The following POLR3E variants were observed in gnomAD, a reference collection of about 807,000 sequenced individuals.
The protein encoded by POLR3E is RNA polymerase III subunit E.
In POLR3E, 41 loss-of-function variants were observed where a neutral mutation model predicts 96.6. The observed-to-expected ratio is 0.42, with a 90% CI of 0.33 to 0.55. The LOEUF is 0.55. Ranked by LOEUF, POLR3E falls within the 20% of genes least tolerant of loss-of-function variation. POLR3E has a pLI of 0.06. For synonymous variants in POLR3E, 396 were observed against 383.6 expected, an observed-to-expected ratio of 1.03 and a Z score of -0.38; for missense variants, 849 against 952.1, an observed-to-expected ratio of 0.89 and a Z score of 1.43.
Position 22,322,892 on chromosome 16 carries a change from C to T in POLR3E, c.1029C>T (p.Gly343=), listed in dbSNP as rs375137845. 28 of 1,613,280 alleles carry T rather than the reference C, an allele frequency of 1.7e-5. No homozygotes were observed. The highest frequency in any genetic ancestry group is 6.7e-5 in the Admixed American group (4 of 59,976). The change falls in exon 14 of 21, where the codon GGC becomes GGT. Residue 343 remains glycine (G), a synonymous_variant. Coordinates refer to ENST00000299853, the MANE Select transcript of POLR3E (RefSeq NM_018119.4). The surrounding 1 kb of genome is among the most constrained non-coding windows in gnomAD (Gnocchi z 5.2). The part of the protein sequence containing the change: ...YPKDSSSPHS[G]VPAEVLCRGR... ...AGGACTCGTCCAGCCCTCACAGCGGCGTGCCTGCTGAGGTGCTCTGCAGGG... is the reference window on the plus strand; with the variant it reads ...AGGACTCGTCCAGCCCTCACAGCGGTGTGCCTGCTGAGGTGCTCTGCAGGG...
chr16:22,305,313 G>A (rs1463109756), intron 3 of POLR3E, 107 bp downstream of exon 3: 9 of 829,964 alleles, frequency 1.1e-5, no homozygotes, highest in African/African-American at 3.3e-5. Context: ...TAGGGTTCTC[G>A]GTGTGGAGAG....
At position 22,325,269 on chromosome 16, in the gene POLR3E, G is replaced by A. The variant is rs778823199; in HGVS notation, c.1348+3G>A. 1 of 1,612,456 alleles carries A rather than the reference G, an allele frequency of 6.2e-7. No individual in the cohort carries two copies. The highest frequency in any genetic ancestry group is 1.1e-5 in the South Asian group (1 of 91,052). On this transcript the variant is annotated splice_donor_region_variant and intron_variant, in intron 17 of 20. Coordinates refer to ENST00000299853, the MANE Select transcript of POLR3E (RefSeq NM_018119.4). ...AAAGAAGCCGGATGCACAATCAGGT[G>A]TGTGAGGGGCTTTGGGCTGGGAGGC... is the stretch of plus-strand genomic sequence containing the variant.
At position 22,324,501 on chromosome 16, in the gene POLR3E, A is replaced by C; in HGVS notation, c.1129-2A>C. 6.2e-7 allele frequency: 1 copy of C among 1,611,102 alleles called. No individual in the cohort carries two copies. Among genetic ancestry groups the C allele is most frequent in the Non-Finnish European group, 8.5e-7 (1 of 1,178,694 alleles). Reference sequence around the variant, plus strand: ...CCTCACGCTGGGCCCCCTCCCCTCCAGCTCTGCGCCGAGGATGTGAAGGAC... The same window carrying C: ...CCTCACGCTGGGCCCCCTCCCCTCCCGCTCTGCGCCGAGGATGTGAAGGAC... On this transcript the variant is annotated splice_acceptor_variant, in intron 15 of 20. Transcript: ENST00000299853. LOFTEE classifies it high-confidence loss of function.
Position 22,309,468 on chromosome 16 carries a change from A to G in POLR3E, c.322A>G (p.Thr108Ala). 6.2e-7 allele frequency: 1 copy of G among 1,613,362 alleles called. No individual in the cohort carries two copies. Among genetic ancestry groups the G allele is most frequent in the South Asian group, 1.1e-5 (1 of 91,058 alleles). Residue 108 changes from threonine to alanine, a missense_variant, in exon 6 of 21, where the codon ACC becomes GCC. Physicochemically the swap from Thr to Ala is moderately conservative, Grantham distance 58. Coordinates refer to ENST00000299853, the MANE Select transcript of POLR3E (RefSeq NM_018119.4). ...DKQTFCSSQTTSNTSRYAAAL... is the reference protein window; with the variant it reads ...DKQTFCSSQTASNTSRYAAAL... ...GCAGACCTTCTGCTCTTCCCAGACC[A>G]CCAGTAACACATCCCGTTATGCCGC... is the stretch of plus-strand genomic sequence containing the variant.
Position 22,322,306 on chromosome 16 carries a change from G to C in POLR3E, c.987-544G>C, listed in dbSNP as rs983057184. Among the ~76,000 whole-genome samples the C allele has an allele frequency of 2.0e-5, 3 of 152,136 alleles. No individual in the cohort carries two copies. The highest frequency in any genetic ancestry group is 7.2e-5 in the African/African-American group (3 of 41,414). ...TCAGGGCTACACTCTGGAGATTCTC[G>C]TGCCCTGCTGTCCAAGGCCCCGGCC... On this transcript the variant is annotated intron_variant, in intron 13 of 20. Transcript: ENST00000299853. The surrounding 1 kb of genome is among the most constrained non-coding windows in gnomAD (Gnocchi z 5.2).
intron 13 of POLR3E, among the ~76,000 whole-genome samples, chr16:22,320,915 T>C (rs1280253809): frequency 6.6e-6 from 1 of 152,264 alleles, no homozygotes; most frequent in African/African-American, 2.4e-5. Flanking sequence ...GAAGGCAGCC[T>C]GCCTTTGTTT....
At position 22,306,930 on chromosome 16, in the gene POLR3E, G is replaced by T. The variant is rs1430053190; in HGVS notation, c.88-1218G>T. ...CACAGCAGCAATGTTGTAAGCCTGT[G>T]CTGGGAGGGCCTGGCCTCCACTCCC... On this transcript the variant is annotated intron_variant, in intron 3 of 20. Transcript: ENST00000299853. Among the ~76,000 whole-genome samples the T allele has an allele frequency of 3.3e-5, 5 of 152,222 alleles. No homozygotes were observed. In the East Asian group the frequency reaches 9.6e-4, roughly 29 times the overall value.
intron 18 of POLR3E, 156 bp downstream of exon 18, chr16:22,326,434 T>TGA: frequency 1.5e-6 from 1 of 676,774 alleles, no homozygotes; most frequent in Non-Finnish European, 2.6e-6. Flanking sequence ...TCTCTGAGGC[T>TGA]CTATTCTCAT....
intron 14 of POLR3E, 74 bp from the exon 15 acceptor site, chr16:22,324,280 C>A: frequency 8.0e-7 from 1 of 1,242,364 alleles, no homozygotes; most frequent in East Asian, 2.3e-5. Context: ...CCCAGGCCTG[C>A]CAGGTGAGTT....
chr16:22,332,311 T>G, intron 20 of POLR3E, 126 bp downstream of exon 20: 1 of 827,122 alleles, frequency 1.2e-6, no homozygotes, highest in Non-Finnish European at 1.9e-6. Flanking sequence ...CCCCAGTCAG[T>G]CTTGTCTTGA....
chr16:22,328,305 G>C (rs886567721), intron 18 of POLR3E: 3 of 583,388 alleles, frequency 5.1e-6, no homozygotes, highest in Non-Finnish European at 9.3e-6. Flanking sequence ...TCAGGCCCTG[G>C]GGGGTGTGCT....
chr16:22,326,451 G>A, intron 18 of POLR3E, 173 bp downstream of exon 18: 4 of 650,422 alleles, frequency 6.1e-6, no homozygotes, highest in Admixed American at 2.3e-5. Flanking sequence ...TCATGAAATG[G>A]GATCATGTTG....
intron 1 of POLR3E, among the ~76,000 whole-genome samples, chr16:22,298,571 G>A (rs762661584): frequency 7.9e-5 from 12 of 152,176 alleles, no homozygotes; most frequent in African/African-American, 1.4e-4. Flanking sequence ...ATTTGAACCT[G>A]CACAGTTTTG....
intron 18 of POLR3E, chr16:22,326,950 C>G (rs2141814399): frequency 6.5e-6 from 1 of 153,360 alleles, no homozygotes; most frequent in Non-Finnish European, 1.5e-5. Flanking sequence ...CCTCCTGCCC[C>G]TTCCCCCTGG....
At chr16:22,298,488 G>A (rs1389846535) in intron 1 of POLR3E, among the ~76,000 whole-genome samples, 1 of 152,174 alleles carries the variant, frequency 6.6e-6, no homozygotes, top group Non-Finnish European at 1.5e-5. Flanking sequence ...CCCTACTTTA[G>A]GGATGAAAAT....
rs564746947 is a variant in POLR3E at position 22,313,380 on chromosome 16, C to G, written c.365-240C>G. ...GAGGTGGGACTGAAGGAAGTGGCTT[C>G]GAACAGAAGAGTCCAGGTTCCTGTC... is the stretch of plus-strand genomic sequence containing the variant. On this transcript the variant is annotated intron_variant, in intron 6 of 20. Transcript: ENST00000299853. This position sits in a 1 kb window ranked among gnomAD's most constrained non-coding sequence, Gnocchi z 4.1. 6.6e-6 allele frequency among the ~76,000 whole-genome samples: 1 copy of G among 152,042 alleles called. No individual in the cohort carries two copies. Among genetic ancestry groups the G allele is most frequent in the Non-Finnish European group, 1.5e-5 (1 of 68,000 alleles).
Position 22,322,930 on chromosome 16 carries a change from T to C in POLR3E, c.1067T>C (p.Val356Ala). 6.2e-7 allele frequency: 1 copy of C among 1,607,886 alleles called. No homozygotes were observed. Among genetic ancestry groups the C allele is most frequent in the Non-Finnish European group, 8.5e-7 (1 of 1,175,474 alleles). Residue 356 changes from valine to alanine, a missense_variant and splice_region_variant, in exon 14 of 21, where the codon GTT becomes GCT. Coordinates refer to ENST00000299853, the MANE Select transcript of POLR3E (RefSeq NM_018119.4). The surrounding 1 kb of genome is among the most constrained non-coding windows in gnomAD (Gnocchi z 5.2). ...GTGCTCTGCAGGGGCCGAGACTTCGTTGTAAGTACCTTGGGTTCTCTGGAC... is the reference window on the plus strand; with the variant it reads ...GTGCTCTGCAGGGGCCGAGACTTCGCTGTAAGTACCTTGGGTTCTCTGGAC... ...AEVLCRGRDF[V>A]MWKFTQSRWV...
intron 18 of POLR3E, chr16:22,326,513 C>T (rs1308761630): frequency 1.5e-5 from 9 of 582,398 alleles, no homozygotes; most frequent in South Asian, 5.9e-5. Flanking sequence ...TCTGAAGGCC[C>T]GGCCTATTGC....
In POLR3E at chr16:22,325,188, G is replaced by A. The variant is rs371434511; in HGVS notation, c.1287-17G>A. 1.9e-6 allele frequency: 3 copies of A among 1,601,486 alleles called. No homozygotes were observed. Among genetic ancestry groups the A allele is most frequent in the Admixed American group, 1.7e-5 (1 of 59,990 alleles). Reference sequence around the variant, plus strand: ...GGGGACGTGGTTTAAAGTTAATGGGGTTACTCTTCTTTTCAGACTGGAAAA... The same window carrying A: ...GGGGACGTGGTTTAAAGTTAATGGGATTACTCTTCTTTTCAGACTGGAAAA... On this transcript the variant is annotated splice_polypyrimidine_tract_variant and intron_variant, in intron 16 of 20. Transcript: ENST00000299853.
Sources: allele counts gnomAD v4.1 joint callset (sites outside exome capture counted in the v4.1 genomes callset), GRCh38; gene constraint gnomAD v4.1.1; non-coding constraint Gnocchi (gnomAD v3.1); transcripts MANE v1.5; gene names NCBI Gene and HGNC (gene_info 2026-07-23, HGNC 2026-07-21).